Variants in SBF2 observed in about 807,000 individuals in gnomAD.
The protein encoded by SBF2 is SET binding factor 2.
A neutral mutation model predicts 225.2 loss-of-function variants in SBF2; 112 were observed. The observed-to-expected ratio is 0.50, with a 90% CI of 0.43 to 0.58. SBF2 has a LOEUF of 0.58. Ranked by LOEUF, SBF2 falls within the 20% of genes least tolerant of loss-of-function variation. SBF2 has a pLI of 0.00. For missense variants in SBF2, 1,996 were observed against 2,206.2 expected (o/e 0.90, Z 1.91); for synonymous variants, 763 against 773.3 (o/e 0.99, Z 0.22).
At chr11:9,911,035 G>T (rs1309784587) in intron 16 of SBF2, among the ~76,000 whole-genome samples, 2 of 149,480 alleles carry the variant, frequency 1.3e-5, no homozygotes, top group African/African-American at 2.5e-5. Context: ...CTCCAGCCTG[G>T]TGACACAGCA....
chr11:9,911,082 A>G (rs1043688322), intron 16 of SBF2, among the ~76,000 whole-genome samples: 1 of 143,332 alleles, frequency 7.0e-6, no homozygotes, highest in African/African-American at 2.6e-5. Flanking sequence ...AACAAAAAAA[A>G]CACGACTGGG....
rs149749509 is a variant in SBF2, at chr11:9,830,477, C to T, written c.3653-981G>A. 5.9e-3 allele frequency among the ~76,000 whole-genome samples: 897 copies of T among 152,268 alleles called. 5 individuals are homozygous for T. The highest frequency in any genetic ancestry group is 0.022 in the South Asian group (104 of 4,828). On this transcript the variant is annotated intron_variant, in intron 27 of 39. Transcript: ENST00000256190. ...GTTGTCAGCCAGGCGCAGTGGTTCA[C>T]GTCTGTAATCCCAGCACTTAGGAAG...
intron 1 of SBF2, among the ~76,000 whole-genome samples, chr11:10,246,284 T>C (rs1393464860): frequency 6.6e-6 from 1 of 152,154 alleles, no homozygotes; most frequent in Non-Finnish European, 1.5e-5. Flanking sequence ...CTTTTCTTTC[T>C]TTCTTTTTTG....
chr11:10,168,094 A>G (rs1472074489), intron 2 of SBF2, among the ~76,000 whole-genome samples: 1 of 152,198 alleles, frequency 6.6e-6, no homozygotes, highest in Non-Finnish European at 1.5e-5. Flanking sequence ...AGTACTTATC[A>G]ATTATCACAT....
In SBF2 at chr11:10,090,764, C is replaced by CAAAAAAAAAAAAA. The variant is rs201577494; in HGVS notation, c.142-47796_142-47784dup. On this transcript the variant is annotated intron_variant, in intron 2 of 39. Transcript: ENST00000256190. ...TGGGAGTCAGAGCAAGATTCCATCTCAAAAAAAAAAAAAAAAAAAAAGCTA... is the reference window on the plus strand; with the variant it reads ...TGGGAGTCAGAGCAAGATTCCATCTCAAAAAAAAAAAAAAAAAAAAAAAAAAAAAAAAAAGCTA... Among the ~76,000 whole-genome samples the CAAAAAAAAAAAAA allele has an allele frequency of 3.3e-3, 147 of 44,396 alleles. 8 individuals are homozygous for CAAAAAAAAAAAAA. Among genetic ancestry groups the CAAAAAAAAAAAAA allele is most frequent in the Non-Finnish European group, 5.3e-3 (120 of 22,816 alleles). 29.1% of individuals were successfully genotyped at this position (44,396 alleles called of 152,430 possible).
intron 17 of SBF2, among the ~76,000 whole-genome samples, chr11:9,895,417 A>G (rs113906545): frequency 9.8e-4 from 150 of 152,378 alleles, no homozygotes; most frequent in African/African-American, 3.4e-3. Flanking sequence ...GAATGAATCT[A>G]TTTATGAAAA....
At chr11:10,279,431 T>G (rs2135556474) in intron 1 of SBF2, among the ~76,000 whole-genome samples, 1 of 145,642 alleles carries the variant, frequency 6.9e-6, no homozygotes, top group Middle Eastern at 3.4e-3. Context: ...AAAAAAAAAG[T>G]TATTTCAAGA....
At chr11:10,060,274 A>G (rs1313388192) in intron 2 of SBF2, among the ~76,000 whole-genome samples, 1 of 152,114 alleles carries the variant, frequency 6.6e-6, no homozygotes, top group Non-Finnish European at 1.5e-5. Flanking sequence ...AAACTAGAAA[A>G]CCTTGAAGAG....
intron 25 of SBF2, among the ~76,000 whole-genome samples, chr11:9,841,534 C>T (rs1590199018): frequency 1.4e-5 from 2 of 143,088 alleles, no homozygotes; most frequent in Non-Finnish European, 3.1e-5. Flanking sequence ...CACATAGGTT[C>T]TTTTTTTTTT....
At chr11:10,075,357 A>C (rs1951055691) in intron 2 of SBF2, among the ~76,000 whole-genome samples, 2 of 152,216 alleles carry the variant, frequency 1.3e-5, no homozygotes, top group African/African-American at 4.8e-5. Context: ...CAGTCACACA[A>C]TCAGTACTCA....
At chr11:9,897,987 C>T (rs946949859) in intron 16 of SBF2, among the ~76,000 whole-genome samples, 1 of 152,110 alleles carries the variant, frequency 6.6e-6, no homozygotes, top group Non-Finnish European at 1.5e-5. Context: ...TGAGAACTAA[C>T]CTGACCAGGA....
chr11:10,013,855 G>T lies in SBF2; in HGVS notation c.620-11166C>A, dbSNP rs529481650. ...CAGTCAGCACTTGGCATTCTACATA[G>T]CAGAGTCCTCCTTTTCCTCTACTTA... On this transcript the variant is annotated intron_variant, in intron 6 of 39. Transcript: ENST00000256190. Among the ~76,000 whole-genome samples, 253 of 152,192 alleles carry T rather than the reference G, an allele frequency of 1.7e-3. 1 individual carries two copies. Among genetic ancestry groups the T allele is most frequent in the African/African-American group, 6.0e-3 (250 of 41,510 alleles).
intron 17 of SBF2, among the ~76,000 whole-genome samples, chr11:9,884,166 C>T (rs1022551391): frequency 6.6e-6 from 1 of 152,162 alleles, no homozygotes; most frequent in Admixed American, 6.6e-5. Flanking sequence ...AATCATGGGT[C>T]CAGGTCAAAG....
chr11:9,802,530 C>T (rs1230616605), intron 32 of SBF2, among the ~76,000 whole-genome samples: 1 of 152,178 alleles, frequency 6.6e-6, no homozygotes, highest in African/African-American at 2.4e-5. Context: ...GAACACATTC[C>T]ATCTGGGAAA....
chr11:10,078,684 C>A lies in SBF2; in HGVS notation c.142-35703G>T, dbSNP rs188160519. Among the ~76,000 whole-genome samples, 538 of 152,096 alleles carry A rather than the reference C, an allele frequency of 3.5e-3. 5 individuals carry two copies. The highest frequency in any genetic ancestry group is 0.013 in the African/African-American group (519 of 41,462). On this transcript the variant is annotated intron_variant, in intron 2 of 39. Coordinates refer to ENST00000256190, the MANE Select transcript of SBF2 (RefSeq NM_030962.4). ...TAGGAGAAATACCTAATGTAAATGACGAGTTGATGGGTGCAGCAAACCAAC... is the reference window on the plus strand; with the variant it reads ...TAGGAGAAATACCTAATGTAAATGAAGAGTTGATGGGTGCAGCAAACCAAC...
At chr11:9,844,791 G>A (rs1472579721) in intron 24 of SBF2, among the ~76,000 whole-genome samples, 1 of 152,136 alleles carries the variant, frequency 6.6e-6, no homozygotes, top group Non-Finnish European at 1.5e-5. Context: ...CCTAATGCAT[G>A]CAGGGTTTAA....
chr11:9,851,152 AC>A (rs202166666), intron 21 of SBF2, among the ~76,000 whole-genome samples: 11,457 of 116,214 alleles, frequency 0.099, 1,017 homozygotes, highest in Non-Finnish European at 0.13. Flanking sequence ...AAAAAAAACA[AC>A]AACAAAAAAA....
At chr11:10,272,794 G>A (rs1376213559) in intron 1 of SBF2, among the ~76,000 whole-genome samples, 2 of 127,038 alleles carry the variant, frequency 1.6e-5, no homozygotes, top group Non-Finnish European at 3.5e-5. Flanking sequence ...TAACATGCCG[G>A]GCGCGGTGGC....
At chr11:9,953,095 T>C (rs932337502) in intron 16 of SBF2, among the ~76,000 whole-genome samples, 33 of 152,250 alleles carry the variant, frequency 2.2e-4, no homozygotes, top group Non-Finnish European at 4.1e-4. Flanking sequence ...CAATTTGCAA[T>C]TGCAAAAATG....
Sources: gnomAD v4.1 joint callset for allele counts (sites outside exome capture counted in the v4.1 genomes callset) on GRCh38, gnomAD v4.1.1 for gene constraint, MANE v1.5 for transcripts, NCBI Gene and HGNC (gene_info 2026-07-23, HGNC 2026-07-21) for gene names.